Variants in FAM111B observed in about 807,000 individuals in gnomAD.
FAM111B encodes FAM111 trypsin like peptidase B.
Under a neutral mutation model 2.8 loss-of-function variants are expected in FAM111B, and 1 was observed. That is an observed-to-expected ratio of 0.36 (90% CI 0.13 to 1.70). The LOEUF is 1.70. Among genes scored for constraint, FAM111B ranks in the 40% most tolerant of loss-of-function variants. The pLI is 0.35. For missense variants in FAM111B, 882 were observed against 878.9 expected (o/e 1.00, Z -0.04); for synonymous variants, 297 against 295.6 (o/e 1.00, Z -0.05).
chr11:59,121,160 A>G (rs991963300), intron 3 of FAM111B, among the ~76,000 whole-genome samples: 2 of 152,176 alleles, frequency 1.3e-5, no homozygotes, highest in African/African-American at 4.8e-5. Context: ...TAACTCCTTT[A>G]TGACACCTGA....
chr11:59,112,168 G>A (rs1219277657), intron 3 of FAM111B, among the ~76,000 whole-genome samples: 5 of 152,086 alleles, frequency 3.3e-5, no homozygotes, highest in African/African-American at 1.2e-4. Flanking sequence ...CCCCACTTGT[G>A]CCCTATTCAT....
chr11:59,114,643 G>A (rs183068816), intron 3 of FAM111B, among the ~76,000 whole-genome samples: 11 of 152,276 alleles, frequency 7.2e-5, no homozygotes, highest in Middle Eastern at 3.4e-3. Context: ...GTACATAGTA[G>A]ATATTCATTC....
At position 59,125,929 on chromosome 11, in the gene FAM111B, T is replaced by C. The variant is rs767282202; in HGVS notation, c.1832T>C (p.Val611Ala). ...KYPNDCQDGL[V>A]DLYDTTSNVY... is the part of the protein sequence containing the mutation. Reference sequence around the variant, plus strand: ...CCAAACGATTGTCAAGATGGGTTGGTAGATCTCTATGATACCACCAGTAAT... The same window carrying C: ...CCAAACGATTGTCAAGATGGGTTGGCAGATCTCTATGATACCACCAGTAAT... Residue 611 changes from valine (V) to alanine (A), a missense_variant, in exon 4 of 4, where the codon GTA becomes GCA. Transcript: ENST00000343597. 2.0e-5 allele frequency: 32 copies of C among 1,613,734 alleles called. No individual in the cohort carries two copies. The East Asian group carries it at 7.1e-4, about 36-fold the overall frequency.
Position 59,126,561 on chromosome 11 carries a change from ACAAG to A in FAM111B, c.*263_*266del. ...TTAAACAGATTAACAAGCAAAAAAAACAAGCAACCCCATTAAAAAGTGGGCAAAG... is the reference window on the plus strand; with the variant it reads ...TTAAACAGATTAACAAGCAAAAAAAACAACCCCATTAAAAAGTGGGCAAAG... On this transcript the variant is annotated 3_prime_UTR_variant, in exon 4 of 4. Coordinates refer to ENST00000343597, the MANE Select transcript of FAM111B (RefSeq NM_198947.4). The A allele has an allele frequency of 3.2e-6, 1 of 312,078 alleles. No homozygotes were observed. The allele number at this position is 312,078 out of a possible 1,614,324, so 19.3% of individuals were successfully genotyped here.
In FAM111B at chr11:59,124,831, G is replaced by T. The variant is rs1859988813; in HGVS notation, c.734G>T (p.Gly245Val). The change falls in exon 4 of 4, where the codon GGT (glycine) becomes GTT (valine). Residue 245 changes from glycine to valine, a missense_variant. By Grantham distance (109) the Gly-to-Val change is moderately radical (BLOSUM62 -3). Coordinates refer to ENST00000343597, the MANE Select transcript of FAM111B (RefSeq NM_198947.4). Reference protein sequence around the residue: ...IGEFEWKLKEGHKKIYGKQSM... With the variant: ...IGEFEWKLKEVHKKIYGKQSM... ...GAATTTGAATGGAAACTAAAGGAAG[G>T]TCATAAGAAAATTTATGGAAAACAG... The T allele has an allele frequency of 6.2e-6, 10 of 1,613,628 alleles. No individual in the cohort carries two copies. Among genetic ancestry groups the T allele is most frequent in the Non-Finnish European group, 6.8e-6 (8 of 1,179,826 alleles).
chr11:59,109,447 C>T, intron 2 of FAM111B, 93 bp from the exon 3 acceptor site: 1 of 481,832 alleles, frequency 2.1e-6, no homozygotes, highest in Non-Finnish European at 3.7e-6. Flanking sequence ...ATATGATTTT[C>T]TTCTCAGATA....
chr11:59,112,644 G>A (rs1293502263), intron 3 of FAM111B, among the ~76,000 whole-genome samples: 1 of 152,178 alleles, frequency 6.6e-6, no homozygotes, highest in Non-Finnish European at 1.5e-5. Flanking sequence ...GAGAGTTCCA[G>A]TTGTTTCATA....
intron 3 of FAM111B, among the ~76,000 whole-genome samples, chr11:59,116,062 T>C (rs1300772663): frequency 6.6e-6 from 1 of 152,178 alleles, no homozygotes; most frequent in Admixed American, 6.5e-5. Flanking sequence ...TAATCTCACT[T>C]TGGGAATGCT....
intron 3 of FAM111B, 64 bp downstream of exon 3, chr11:59,109,770 T>G: frequency 9.6e-7 from 1 of 1,040,344 alleles, no homozygotes; most frequent in South Asian, 1.5e-5. Flanking sequence ...CATATGAGGA[T>G]CTTGGAGATA....
Position 59,125,885 on chromosome 11 carries a change from C to T in FAM111B, c.1788C>T (p.Asn596=), listed in dbSNP as rs767378484. Reference sequence around the variant, plus strand: ...ATGGTTGTACTGTGATTCCTCTAAACGAACGATTGAAAAAATATCCAAACG... The same window carrying T: ...ATGGTTGTACTGTGATTCCTCTAAATGAACGATTGAAAAAATATCCAAACG... ...KIDGCTVIPL[N]ERLKKYPNDC... The change falls in exon 4 of 4, where the codon AAC becomes AAT. Residue 596 remains asparagine (N), a synonymous_variant. Coordinates refer to ENST00000343597, the MANE Select transcript of FAM111B (RefSeq NM_198947.4). The T allele has an allele frequency of 5.8e-5, 94 of 1,613,700 alleles. No individual in the cohort carries two copies. The Admixed American group carries it at 7.7e-4, about 13-fold the overall frequency.
intron 1 of FAM111B, among the ~76,000 whole-genome samples, chr11:59,107,836 A>C (rs1859688986): frequency 6.6e-6 from 1 of 152,144 alleles, no homozygotes; most frequent in Non-Finnish European, 1.5e-5. Flanking sequence ...GCACAGATTG[A>C]GGTATGGTAA....
At chr11:59,113,886 G>A (rs1373559105) in intron 3 of FAM111B, among the ~76,000 whole-genome samples, 2 of 152,240 alleles carry the variant, frequency 1.3e-5, no homozygotes, top group African/African-American at 4.8e-5. Flanking sequence ...GAATGCATTT[G>A]AAACCTGGCC....
chr11:59,108,566 C>A (rs1209346978), intron 1 of FAM111B, 102 bp from the exon 2 acceptor site: 1 of 156,316 alleles, frequency 6.4e-6, no homozygotes, highest in African/African-American at 2.4e-5. Context: ...TTATAGGATA[C>A]ATTTCAATTG....
At position 59,124,326 on chromosome 11, in the gene FAM111B, A is replaced by G. The variant is rs897212169; in HGVS notation, c.229A>G (p.Lys77Glu). The change falls in exon 4 of 4, where the codon AAA becomes GAA. Residue 77 changes from lysine (K) to glutamate (E), a missense_variant. Transcript: ENST00000343597. ...LEMQNPNLNN[K>E]ECCFTFTLNG... ...AATGCAGAATCCAAATTTGAACAAT[A>G]AAGAATGTTGTTTCACCTTTACGTT... 1.9e-6 allele frequency: 3 copies of G among 1,613,786 alleles called. No individual in the cohort carries two copies. In the African/African-American group the frequency reaches 4.0e-5, roughly 22 times the overall value.
chr11:59,115,535 T>G (rs1443478038), intron 3 of FAM111B, among the ~76,000 whole-genome samples: 2 of 152,230 alleles, frequency 1.3e-5, no homozygotes, highest in Non-Finnish European at 2.9e-5. Flanking sequence ...AGGGGCTTAT[T>G]CTTGAATACA....
intron 3 of FAM111B, 41 bp downstream of exon 3, chr11:59,109,747 C>T: frequency 7.7e-7 from 1 of 1,297,336 alleles, no homozygotes; most frequent in Non-Finnish European, 1.1e-6. Flanking sequence ...GAGTGATAGT[C>T]TAACTATAGT....
At position 59,125,462 on chromosome 11, in the gene FAM111B, ATAT is replaced by A. The variant is rs1860008626; in HGVS notation, c.1369_1371del (p.Tyr457del). On this transcript the variant is annotated inframe_deletion, in exon 4 of 4. Transcript: ENST00000343597. ...CAGTTGCAACCTGCGAACAGCTTAC[ATAT>A]TATAGCAAGTCAGTTGGGTTCATGC... is the stretch of plus-strand genomic sequence containing the variant. 3.7e-6 allele frequency: 6 copies of A among 1,614,022 alleles called. No homozygotes were observed. Among genetic ancestry groups the A allele is most frequent in the East Asian group, 4.5e-5 (2 of 44,886 alleles).
At chr11:59,124,068 CATTAT>C (rs1859965467) in intron 3 of FAM111B, 106 bp from the exon 4 acceptor site, 3 of 635,658 alleles carry the variant, frequency 4.7e-6, no homozygotes, top group Middle Eastern at 4.3e-4. Context: ...ATTCGTTAAC[CATTAT>C]ATTATCTAAT....
chr11:59,109,525 T>C lies in FAM111B; in HGVS notation c.-86-15T>C. ...AGTGGTTATTTCATAGATCTTGTTT[T>C]TTTGGTTTTTTTAGACATTTCAGGT... On this transcript the variant is annotated splice_polypyrimidine_tract_variant and intron_variant, in intron 2 of 3. Transcript: ENST00000343597. 1.4e-6 allele frequency: 1 copy of C among 726,098 alleles called. No homozygotes were observed. The highest frequency in any genetic ancestry group is 2.2e-6 in the Non-Finnish European group (1 of 454,090). The allele number at this position is 726,098 out of a possible 1,614,324, so 45.0% of individuals were successfully genotyped here.
Sources: allele counts gnomAD v4.1 joint callset (sites outside exome capture counted in the v4.1 genomes callset), GRCh38; gene constraint gnomAD v4.1.1; transcripts MANE v1.5; gene names NCBI Gene and HGNC (gene_info 2026-07-23, HGNC 2026-07-21).